Variants in DNAJC16 observed in about 807,000 individuals in gnomAD.
DNAJC16 encodes the protein DnaJ heat shock protein family (Hsp40) member C16, also known as dnaJ homolog subfamily C member 16.
In DNAJC16, 76 loss-of-function variants were observed where a neutral mutation model predicts 92.7. The ratio of observed to expected loss-of-function variants is 0.82; its 90% CI spans 0.68 to 0.99. DNAJC16 has a LOEUF of 0.99. DNAJC16 is among the 50% of genes least tolerant of loss of function. The probability of loss-of-function intolerance (pLI) is 0.00; values close to 1 mark genes in which losing one functional copy is unlikely to be tolerated. For missense variants in DNAJC16, 869 were observed against 942.4 expected (o/e 0.92, Z 1.02); for synonymous variants, 328 against 358.7 (o/e 0.91, Z 0.97).
intron 2 of DNAJC16, 53 bp from the exon 3 acceptor site, chr1:15,534,184 A>G (rs986287128): frequency 1.9e-6 from 3 of 1,584,250 alleles, no homozygotes; most frequent in Non-Finnish European, 2.6e-6. Context: ...ACATTAAATG[A>G]CTGTGCATTA....
chr1:15,567,281 T>C lies in DNAJC16; in HGVS notation c.1949+12T>C. ...TACACATTTACTGGGTAAGCATGTG[T>C]GTGTGTGCATGTATGTATGTGTGTG... On this transcript the variant is annotated intron_variant, in intron 14 of 14. Coordinates refer to ENST00000375847, the MANE Select transcript of DNAJC16 (RefSeq NM_015291.4). 2 of 1,609,030 alleles carry C rather than the reference T, an allele frequency of 1.2e-6. No individual in the cohort carries two copies. Among genetic ancestry groups the C allele is most frequent in the Non-Finnish European group, 1.7e-6 (2 of 1,176,010 alleles).
At chr1:15,528,015 A>G (rs983850271) in intron 1 of DNAJC16, among the ~76,000 whole-genome samples, 3 of 152,222 alleles carry the variant, frequency 2.0e-5, no homozygotes, top group Non-Finnish European at 4.4e-5. Context: ...CACTGTACTC[A>G]CCAGAGATGG....
intron 14 of DNAJC16, 111 bp from the exon 15 acceptor site, chr1:15,567,667 T>C: frequency 1.6e-6 from 2 of 1,213,930 alleles, no homozygotes; most frequent in African/African-American, 1.5e-5. Flanking sequence ...TCAGGCCCCA[T>C]CCAACACAAA....
chr1:15,564,358 T>G lies in DNAJC16; in HGVS notation c.1597T>G (p.Trp533Gly). 1.9e-6 allele frequency: 3 copies of G among 1,585,774 alleles called. No homozygotes were observed. The highest frequency in any genetic ancestry group is 2.6e-6 in the Non-Finnish European group (3 of 1,154,092). Reference protein sequence around the residue: ...DCWDSIFHNNWREMMPLLSLI... With the variant: ...DCWDSIFHNNGREMMPLLSLI... Reference sequence around the variant, plus strand: ...CTGGGATAGCATTTTTCACAACAACTGGTAGGGATATTGCCAGGCTGAATT... The same window carrying G: ...CTGGGATAGCATTTTTCACAACAACGGGTAGGGATATTGCCAGGCTGAATT... The change falls in exon 11 of 15, where the codon TGG becomes GGG. Residue 533 changes from tryptophan to glycine, a missense_variant and splice_region_variant. By Grantham distance (184) the Trp-to-Gly change is radical. Coordinates refer to ENST00000375847, the MANE Select transcript of DNAJC16 (RefSeq NM_015291.4).
intron 7 of DNAJC16, among the ~76,000 whole-genome samples, chr1:15,552,766 A>ATTATTT (rs1638475573): frequency 7.9e-6 from 1 of 125,920 alleles, no homozygotes; most frequent in Non-Finnish European, 1.8e-5. Context: ...TATTATTATT[A>ATTATTT]TTTATTTTTT....
intron 8 of DNAJC16, among the ~76,000 whole-genome samples, chr1:15,560,646 G>T (rs927960279): frequency 9.9e-5 from 15 of 152,010 alleles, no homozygotes; most frequent in African/African-American, 3.6e-4. Context: ...GTGTGTCTAG[G>T]CTTTTCAGAT....
intron 5 of DNAJC16, 123 bp downstream of exon 5, chr1:15,544,706 C>T (rs915775693): frequency 2.7e-5 from 24 of 890,116 alleles, no homozygotes; most frequent in Middle Eastern, 2.3e-4. Flanking sequence ...GAAGGCATGA[C>T]ACTTATTAAT....
intron 8 of DNAJC16, 143 bp from the exon 9 acceptor site, chr1:15,561,999 A>G (rs1638702217): frequency 4.4e-6 from 3 of 681,882 alleles, no homozygotes; most frequent in East Asian, 6.2e-5. Flanking sequence ...ATCCTCCCTT[A>G]GTTGAAATGT....
chr1:15,543,068 T>C (rs1401437672), intron 4 of DNAJC16, among the ~76,000 whole-genome samples: 1 of 152,204 alleles, frequency 6.6e-6, no homozygotes, highest in African/African-American at 2.4e-5. Context: ...GAGCTCCTAC[T>C]ATGTGCCAGG....
intron 4 of DNAJC16, among the ~76,000 whole-genome samples, chr1:15,544,079 G>A (rs1054138565): frequency 6.6e-6 from 1 of 151,292 alleles, no homozygotes; most frequent in African/African-American, 2.4e-5. Flanking sequence ...TTGGATGAAA[G>A]AACAAGAAAA....
At chr1:15,527,411 A>G (rs1443788872) in intron 1 of DNAJC16, among the ~76,000 whole-genome samples, 1 of 152,140 alleles carries the variant, frequency 6.6e-6, no homozygotes, top group African/African-American at 2.4e-5. Flanking sequence ...ACTAACGACC[A>G]TTTGTTGACT....
At chr1:15,535,481 T>C (rs1710758148) in intron 3 of DNAJC16, among the ~76,000 whole-genome samples, 1 of 152,230 alleles carries the variant, frequency 6.6e-6, no homozygotes, top group Non-Finnish European at 1.5e-5. Context: ...ACCCAGTGGC[T>C]GCTCACGCCC....
chr1:15,569,685 G>A lies in DNAJC16; in HGVS notation c.*1508G>A, dbSNP rs1638906298. 1 of 147,814 alleles carries A rather than the reference G, an allele frequency of 6.8e-6. No individual in the cohort carries two copies. Among genetic ancestry groups the A allele is most frequent in the Non-Finnish European group, 1.5e-5 (1 of 67,514 alleles). The allele number at this position is 147,814 out of a possible 1,614,324, so 9.2% of individuals were successfully genotyped here. On this transcript the variant is annotated 3_prime_UTR_variant, in exon 15 of 15. Coordinates refer to ENST00000375847, the MANE Select transcript of DNAJC16 (RefSeq NM_015291.4). The stretch of plus-strand genomic sequence containing the variant: ...GACAGAGTTTCACTCTTGTTGCCCA[G>A]GCTGGAGTGAAATGGTGCGATCTCG...
intron 7 of DNAJC16, among the ~76,000 whole-genome samples, chr1:15,549,045 C>CA (rs1472568633): frequency 6.6e-6 from 1 of 152,104 alleles, no homozygotes; most frequent in South Asian, 2.1e-4. Flanking sequence ...ATCCAACTGT[C>CA]AAAGATTTTC....
chr1:15,550,503 G>A (rs1342408129), intron 7 of DNAJC16, among the ~76,000 whole-genome samples: 1 of 152,070 alleles, frequency 6.6e-6, no homozygotes, highest in Non-Finnish European at 1.5e-5. Context: ...TGGTATTTAT[G>A]GCCATTATAA....
intron 9 of DNAJC16, among the ~76,000 whole-genome samples, chr1:15,562,715 C>T (rs1192244742): frequency 1.3e-5 from 2 of 151,542 alleles, no homozygotes; most frequent in Admixed American, 6.6e-5. Context: ...CTCAAACTCC[C>T]GAGCTCAGGC....
At chr1:15,536,048 A>ATTTCT (rs199841857) in intron 3 of DNAJC16, among the ~76,000 whole-genome samples, 13 of 132,436 alleles carry the variant, frequency 9.8e-5, no homozygotes, top group South Asian at 2.4e-4. Context: ...TAATTTTTAC[A>ATTTCT]TTTCTTTTCT....
chr1:15,546,040 C>T (rs1322729485), intron 5 of DNAJC16, among the ~76,000 whole-genome samples: 1 of 152,128 alleles, frequency 6.6e-6, no homozygotes, highest in African/African-American at 2.4e-5. Flanking sequence ...AGTGGTGGCT[C>T]ATACCTGTAA....
chr1:15,552,391 A>G (rs1638466226), intron 7 of DNAJC16, among the ~76,000 whole-genome samples: 1 of 151,870 alleles, frequency 6.6e-6, no homozygotes, highest in South Asian at 2.1e-4. Context: ...CGGGAGGCGG[A>G]GGCAGAAGAA....
Sources: allele counts gnomAD v4.1 joint callset (sites outside exome capture counted in the v4.1 genomes callset), GRCh38; gene constraint gnomAD v4.1.1; transcripts MANE v1.5; gene names NCBI Gene and HGNC (gene_info 2026-07-23, HGNC 2026-07-21).